Variants in PDE6B observed in about 807,000 individuals in gnomAD.
PDE6B encodes rod cGMP-specific 3',5'-cyclic phosphodiesterase subunit beta.
PDE6B carries 106 observed loss-of-function variants against 109.0 expected under a neutral mutation model. The observed-to-expected ratio is 0.97, with a 90% CI of 0.83 to 1.14. The LOEUF is 1.14. Among genes scored for constraint, PDE6B ranks in the 50% most tolerant of loss-of-function variants. The pLI is 0.00. For missense variants in PDE6B, 1,193 were observed against 1,155.6 expected, an observed-to-expected ratio of 1.03 and a Z score of -0.47; for synonymous variants, 490 against 471.3, an observed-to-expected ratio of 1.04 and a Z score of -0.51.
intron 3 of PDE6B, among the ~76,000 whole-genome samples, chr4:637,207 G>A (rs1265629418): frequency 6.6e-6 from 1 of 151,922 alleles, no homozygotes; most frequent in Non-Finnish European, 1.5e-5. Context: ...CATCACTGTG[G>A]GGTTTTGCTT....
intron 3 of PDE6B, chr4:653,238 G>T: frequency 9.9e-7 from 1 of 1,010,962 alleles, no homozygotes; most frequent in Non-Finnish European, 1.2e-6. Flanking sequence ...CGCCGCGAGT[G>T]TGAGGAGGCA....
At chr4:664,005 C>G in intron 16 of PDE6B, 109 bp from the exon 17 acceptor site, 1 of 1,132,780 alleles carries the variant, frequency 8.8e-7, no homozygotes, top group South Asian at 1.2e-5. Flanking sequence ...CGGCCCCGCG[C>G]ACCCCGGATG....
At chr4:668,624 C>T (rs1361177471) in intron 21 of PDE6B, among the ~76,000 whole-genome samples, 1 of 140,036 alleles carries the variant, frequency 7.1e-6, no homozygotes, top group African/African-American at 2.9e-5. Flanking sequence ...TCCCCTACCC[C>T]ATGCTATTCC....
At chr4:651,052 G>A (rs530999716) in intron 3 of PDE6B, among the ~76,000 whole-genome samples, 10 of 150,496 alleles carry the variant, frequency 6.6e-5, no homozygotes, top group South Asian at 4.3e-4. Flanking sequence ...CAGGCAGGAC[G>A]GGCTGAGGCG....
At position 664,185 on chromosome 4, in the gene PDE6B, A is replaced by T. The variant is rs755504625; in HGVS notation, c.2093A>T (p.Tyr698Phe). 5 of 1,610,552 alleles carry T rather than the reference A, an allele frequency of 3.1e-6. No individual in the cohort carries two copies. In the African/African-American group the frequency reaches 5.3e-5, roughly 17 times the overall value. The change falls in exon 17 of 22, where the codon TAC becomes TTC. Residue 698 changes from tyrosine (Y) to phenylalanine (F), a missense_variant. Transcript: ENST00000496514. ...CAGGACAAGAAGAGCTGGGTGGAGT[A>T]CCTGTCCCTGGAGACGACCCGGAAG... ...NYQDKKSWVE[Y>F]LSLETTRKEI...
In PDE6B at chr4:658,985, G is replaced by A; in HGVS notation, c.1435G>A (p.Asp479Asn). ...TRARLGKEPA[D>N]CDEDELGEIL... ...AGCGCGCCTGGGGAAGGAGCCTGCT[G>A]ACTGCGATGAGGACGAGCTGGGCGA... The change falls in exon 11 of 22, where the codon GAC (aspartate) becomes AAC (asparagine). Residue 479 changes from aspartate (D) to asparagine (N), a missense_variant. Physicochemically the swap from Asp to Asn is conservative, Grantham distance 23. Transcript: ENST00000496514. 6.2e-7 allele frequency: 1 copy of A among 1,613,656 alleles called. No homozygotes were observed. Among genetic ancestry groups the A allele is most frequent in the Admixed American group, 1.7e-5 (1 of 60,020 alleles).
In PDE6B at chr4:633,307, C is replaced by T. The variant is rs527707607; in HGVS notation, c.469-1370C>T. Among the ~76,000 whole-genome samples the T allele has an allele frequency of 7.9e-5, 12 of 152,326 alleles. No homozygotes were observed. The highest frequency in any genetic ancestry group is 2.9e-4 in the African/African-American group (12 of 41,572). ...GCCACCCCTGCCAGGGCTCACTCAC[C>T]CGTCTTCCTGCTCCACCATCTTTTA... On this transcript the variant is annotated intron_variant, in intron 1 of 21. Coordinates refer to ENST00000496514, the MANE Select transcript of PDE6B (RefSeq NM_000283.4). The surrounding 1 kb of genome is among the most constrained non-coding windows in gnomAD (Gnocchi z 4.5).
chr4:670,313 G>A lies in PDE6B; in HGVS notation c.*206G>A. 1.6e-6 allele frequency: 1 copy of A among 614,310 alleles called. No individual in the cohort carries two copies. The allele number at this position is 614,310 out of a possible 1,614,324, so 38.1% of individuals were successfully genotyped here. On this transcript the variant is annotated 3_prime_UTR_variant, in exon 22 of 22. Transcript: ENST00000496514. ...GCTGGAGTGCCGTGGCACGATCTCA[G>A]CTCACTGCAACCTCCACCTCCCAGG...
At chr4:655,706 T>C in intron 6 of PDE6B, 1 of 623,690 alleles carries the variant, frequency 1.6e-6, no homozygotes. Flanking sequence ...CCCAGACCCC[T>C]GCACACACGC....
chr4:650,459 C>A (rs1201577539), intron 3 of PDE6B, among the ~76,000 whole-genome samples: 2 of 152,228 alleles, frequency 1.3e-5, no homozygotes, highest in African/African-American at 4.8e-5. Context: ...TCAGGGCTCC[C>A]CTTCGATCTG....
chr4:631,387 A>C (rs554498509), intron 1 of PDE6B, among the ~76,000 whole-genome samples: 1 of 152,354 alleles, frequency 6.6e-6, no homozygotes, highest in African/African-American at 2.4e-5. Context: ...GCACCATCTG[A>C]GGGTCACTTT....
At position 643,158 on chromosome 4, in the gene PDE6B, A is replaced by C. The variant is rs560220993; in HGVS notation, c.711+7189A>C. Among the ~76,000 whole-genome samples the C allele has an allele frequency of 1.8e-3, 281 of 152,206 alleles. 1 individual carries two copies. Among genetic ancestry groups the C allele is most frequent in the African/African-American group, 6.5e-3 (269 of 41,522 alleles). ...CCCCGTCTCTACTAAAAATGCAAAAATTAGCTGGGTATGGTGGCAGACATC... is the reference window on the plus strand; with the variant it reads ...CCCCGTCTCTACTAAAAATGCAAAACTTAGCTGGGTATGGTGGCAGACATC... On this transcript the variant is annotated intron_variant, in intron 3 of 21. Transcript: ENST00000496514.
In PDE6B at chr4:636,480, C is replaced by T. The variant is rs566416629; in HGVS notation, c.711+511C>T. Among the ~76,000 whole-genome samples the T allele has an allele frequency of 4.7e-4, 71 of 151,944 alleles. No individual in the cohort carries two copies. Among genetic ancestry groups the T allele is most frequent in the African/African-American group, 1.6e-3 (67 of 41,414 alleles). ...TTAAGGAGTCAGGTGTGCCGAGGTGCGTGGGAAAACGCAGGGGGATGACCT... is the reference window on the plus strand; with the variant it reads ...TTAAGGAGTCAGGTGTGCCGAGGTGTGTGGGAAAACGCAGGGGGATGACCT... On this transcript the variant is annotated intron_variant, in intron 3 of 21. Transcript: ENST00000496514. This position sits in a 1 kb window ranked among gnomAD's most constrained non-coding sequence, Gnocchi z 4.5.
rs1424460348 is a variant in PDE6B at position 636,673 on chromosome 4, C to A, written c.711+704C>A. On this transcript the variant is annotated intron_variant, in intron 3 of 21. Coordinates refer to ENST00000496514, the MANE Select transcript of PDE6B (RefSeq NM_000283.4). This position sits in a 1 kb window ranked among gnomAD's most constrained non-coding sequence, Gnocchi z 4.5. ...CTGTGAAGACGGCGGTCACCTCCTG[C>A]CTTCTCCGTGTCTTGTTCTGCCTGC... 1.3e-5 allele frequency among the ~76,000 whole-genome samples: 2 copies of A among 152,172 alleles called. No homozygotes were observed. Among genetic ancestry groups the A allele is most frequent in the Non-Finnish European group, 2.9e-5 (2 of 68,028 alleles).
At chr4:653,139 C>T in intron 3 of PDE6B, 1 of 989,854 alleles carries the variant, frequency 1.0e-6, no homozygotes, top group African/African-American at 1.7e-5. Context: ...GGGGGTGGAA[C>T]TTCAGAGGGC....
intron 11 of PDE6B, among the ~76,000 whole-genome samples, chr4:659,644 GTGTGCACATGTGTGCCCACGAGTA>G (rs1440893969): frequency 6.7e-6 from 1 of 149,504 alleles, no homozygotes; most frequent in Admixed American, 6.7e-5. Context: ...GTACACATGT[GTGTGCACATGTGTGCCCACGAGTA>G]TGTGTGTGCA....
chr4:632,705 C>T (rs559090445), intron 1 of PDE6B, among the ~76,000 whole-genome samples: 1 of 148,798 alleles, frequency 6.7e-6, no homozygotes, highest in East Asian at 2.0e-4. Flanking sequence ...CTCAGGGTCA[C>T]GTTGTGTGGG....
In PDE6B at chr4:625,652, G is replaced by A. The variant is rs76755568; in HGVS notation, c.26G>A (p.Arg9Gln). The change falls in exon 1 of 22, where the codon CGG becomes CAG. Residue 9 changes from arginine (R) to glutamine (Q), a missense_variant. Arg to Gln is a conservative substitution (Grantham distance 43, BLOSUM62 1). Transcript: ENST00000496514. This position sits in a 1 kb window ranked among gnomAD's most constrained non-coding sequence, Gnocchi z 5.0. The part of the protein sequence containing the change: MSLSEEQA[R>Q]SFLDQNPDFA... ...ATGAGCCTCAGTGAGGAGCAGGCCC[G>A]GAGCTTTCTGGACCAGAACCCCGAT... The A allele has an allele frequency of 9.9e-4, 1,595 of 1,613,764 alleles. 13 individuals carry two copies. The African/African-American group carries it at 0.017, about 18-fold the overall frequency.
intron 10 of PDE6B, among the ~76,000 whole-genome samples, chr4:658,189 G>A (rs1470163348): frequency 6.7e-5 from 7 of 104,436 alleles, no homozygotes; most frequent in Admixed American, 1.0e-4. Flanking sequence ...GGGGCAAGTC[G>A]CCAGGGGTCA....
Sources: allele counts gnomAD v4.1 joint callset (sites outside exome capture counted in the v4.1 genomes callset), GRCh38; gene constraint gnomAD v4.1.1; non-coding constraint Gnocchi (gnomAD v3.1); transcripts MANE v1.5; gene names NCBI Gene and HGNC (gene_info 2026-07-23, HGNC 2026-07-21).